The following ASIC2 variants were observed in gnomAD, a reference collection of about 807,000 sequenced individuals.
ASIC2 encodes acid sensing ion channel subunit 2.
In ASIC2, 25 loss-of-function variants were observed where a neutral mutation model predicts 57.3. That is an observed-to-expected ratio of 0.44 (90% CI 0.32 to 0.61). The LOEUF is 0.61. ASIC2 is among the 20% of genes least tolerant of loss of function. The pLI, the probability that ASIC2 is intolerant of heterozygous loss-of-function variation, is 0.06. For synonymous variants in ASIC2, 319 were observed against 307.5 expected (o/e 1.04, Z -0.39); for missense variants, 641 against 738.1 (o/e 0.87, Z 1.52).
intron 1 of ASIC2, among the ~76,000 whole-genome samples, chr17:34,028,672 T>A (rs1262756607): frequency 1.3e-5 from 2 of 152,156 alleles, no homozygotes; most frequent in African/African-American, 4.8e-5. Context: ...TGGAAGAAAT[T>A]TCGGAGCAGA....
At chr17:33,901,348 T>C (rs1252631891) in intron 1 of ASIC2, among the ~76,000 whole-genome samples, 2 of 152,184 alleles carry the variant, frequency 1.3e-5, no homozygotes, top group East Asian at 3.8e-4. Flanking sequence ...CAGTTTATCC[T>C]GGGTCCTACA....
At chr17:33,071,004 A>T (rs2092066942) in intron 3 of ASIC2, among the ~76,000 whole-genome samples, 2 of 151,932 alleles carry the variant, frequency 1.3e-5, no homozygotes, top group Admixed American at 1.3e-4. Context: ...TCTGTAGGTA[A>T]TGAGTTATTT....
At chr17:33,266,812 T>C (rs927919471) in intron 1 of ASIC2, among the ~76,000 whole-genome samples, 4 of 152,148 alleles carry the variant, frequency 2.6e-5, no homozygotes, top group South Asian at 4.2e-4. Flanking sequence ...CAGGGGGCCA[T>C]TACCTTGTCA....
chr17:33,637,600 T>C (rs1380663452), intron 1 of ASIC2, among the ~76,000 whole-genome samples: 3 of 152,310 alleles, frequency 2.0e-5, no homozygotes, highest in East Asian at 1.9e-4. Context: ...GCCACACATA[T>C]ACACCTTAAA....
At chr17:33,548,211 A>G (rs1022766943) in intron 1 of ASIC2, among the ~76,000 whole-genome samples, 9 of 152,228 alleles carry the variant, frequency 5.9e-5, no homozygotes, top group African/African-American at 2.2e-4. Flanking sequence ...CAGCACATCA[A>G]GGAAAAGAGG....
intron 1 of ASIC2, chr17:33,533,303 TAAAG>T (rs1915114588): frequency 3.5e-5 from 5 of 142,620 alleles, no homozygotes; most frequent in South Asian, 2.3e-4. Context: ...CCAAAAAGAG[TAAAG>T]AAAGAAAGAG....
chr17:33,037,523 T>A (rs9910292), intron 3 of ASIC2, among the ~76,000 whole-genome samples: 22,092 of 151,626 alleles, frequency 0.15, 1,679 homozygotes, highest in South Asian at 0.17. Context: ...AATTACTGTG[T>A]GCACAGCACC....
chr17:33,931,536 G>A (rs1354417543), intron 1 of ASIC2, among the ~76,000 whole-genome samples: 2 of 152,142 alleles, frequency 1.3e-5, no homozygotes, highest in Non-Finnish European at 2.9e-5. Context: ...TATGAGGGGT[G>A]GTCTCCTCCC....
intron 1 of ASIC2, among the ~76,000 whole-genome samples, chr17:34,049,550 C>G (rs1183915736): frequency 6.6e-6 from 1 of 152,104 alleles, no homozygotes; most frequent in Admixed American, 6.5e-5. Flanking sequence ...ATGATCAAGC[C>G]CATCCTCCCC....
At chr17:34,040,176 A>G (rs1908068095) in intron 1 of ASIC2, among the ~76,000 whole-genome samples, 2 of 120,162 alleles carry the variant, frequency 1.7e-5, no homozygotes, top group South Asian at 5.0e-4. Context: ...ACAAAGGCCA[A>G]GGGAGGCGCA....
At chr17:33,991,699 G>A (rs904614739) in intron 1 of ASIC2, among the ~76,000 whole-genome samples, 2 of 152,208 alleles carry the variant, frequency 1.3e-5, no homozygotes, top group Non-Finnish European at 1.5e-5. Flanking sequence ...AACTAAGGCA[G>A]GAGGCTCTGC....
chr17:33,851,946 G>A (rs555583931), intron 1 of ASIC2, among the ~76,000 whole-genome samples: 1 of 152,332 alleles, frequency 6.6e-6, no homozygotes, highest in East Asian at 1.9e-4. Context: ...CGTGACCAGG[G>A]CAAGAGTGCC....
intron 1 of ASIC2, among the ~76,000 whole-genome samples, chr17:34,144,548 A>T (rs1209414594): frequency 2.6e-5 from 4 of 152,228 alleles, no homozygotes; most frequent in African/African-American, 9.6e-5. Context: ...AACAGCTGAC[A>T]TTCCACATCT....
rs563602397 is a variant in ASIC2 at position 33,097,920 on chromosome 17, A to C, written c.860-8930T>G. On this transcript the variant is annotated intron_variant, in intron 2 of 9. Transcript: ENST00000225823. ...AGAAATCCAGGGAAAGCCCAAGGCC[A>C]GGGAAGAGAGGCAGAGAAGTGCATC... Among the ~76,000 whole-genome samples, 20 of 152,358 alleles carry C rather than the reference A, an allele frequency of 1.3e-4. No individual in the cohort carries two copies. The East Asian group carries it at 3.9e-3, about 29-fold the overall frequency.
intron 1 of ASIC2, among the ~76,000 whole-genome samples, chr17:33,361,093 G>A (rs1201378759): frequency 2.6e-5 from 4 of 152,132 alleles, no homozygotes; most frequent in Non-Finnish European, 4.4e-5. Context: ...GGGCTCACTC[G>A]CTATTGCAAA....
upstream of ASIC2, among the ~76,000 whole-genome samples, chr17:33,296,295 C>A (rs1311492959): frequency 6.6e-6 from 1 of 152,126 alleles, no homozygotes; most frequent in Non-Finnish European, 1.5e-5. Flanking sequence ...AGCCACACAG[C>A]TACCAGTCAG....
At chr17:33,092,234 A>G (rs2092160547) in intron 2 of ASIC2, among the ~76,000 whole-genome samples, 1 of 152,188 alleles carries the variant, frequency 6.6e-6, no homozygotes, top group African/African-American at 2.4e-5. Flanking sequence ...CTACAGATGC[A>G]TTTCTTTCTA....
intron 1 of ASIC2, among the ~76,000 whole-genome samples, chr17:33,495,522 A>T (rs1913902257): frequency 6.6e-6 from 1 of 152,212 alleles, no homozygotes; most frequent in South Asian, 2.1e-4. Flanking sequence ...CCCATCTGGC[A>T]GTATGGCTCT....
chr17:33,232,860 GGTGCTTGTATT>G (rs1908160652), intron 1 of ASIC2, among the ~76,000 whole-genome samples: 1 of 152,202 alleles, frequency 6.6e-6, no homozygotes, highest in South Asian at 2.1e-4. Flanking sequence ...CCTCTTCAGT[GGTGCTTGTATT>G]GTGCTTTGTC....
Sources: gnomAD v4.1 joint callset for allele counts (sites outside exome capture counted in the v4.1 genomes callset) on GRCh38, gnomAD v4.1.1 for gene constraint, MANE v1.5 for transcripts, NCBI Gene and HGNC (gene_info 2026-07-23, HGNC 2026-07-21) for gene names.